ACAN: variants seen among roughly 807,000 people sequenced by gnomAD.
ACAN encodes aggrecan core protein.
In ACAN, 47 loss-of-function variants were observed where a neutral mutation model predicts 169.1. That is an observed-to-expected ratio of 0.28 (90% CI 0.22 to 0.35). The LOEUF is 0.35. Ranked by LOEUF, ACAN falls within the 10% of genes least tolerant of loss-of-function variation. The probability of loss-of-function intolerance (pLI) is 1.00; values close to 1 mark genes in which losing one functional copy is unlikely to be tolerated. For missense variants in ACAN, 2,716 were observed against 2,759.9 expected (o/e 0.98, Z 0.36); for synonymous variants, 1,115 against 1,112.2 (o/e 1.00, Z -0.05).
rs145572953 is a variant in ACAN at position 88,823,414 on chromosome 15, T to G, written c.-7-12786T>G. ...GGTACTAGTTTTGGTTTTTTGGTGG[T>G]TTTTTTTTTTCTTGTTTTTTCTCAC... On this transcript the variant is annotated intron_variant, in intron 1 of 18. Transcript: ENST00000560601. 1.2e-3 allele frequency among the ~76,000 whole-genome samples: 175 copies of G among 146,880 alleles called. 1 individual carries two copies. Among genetic ancestry groups the G allele is most frequent in the African/African-American group, 3.3e-3 (133 of 39,992 alleles).
rs1895898294 is a variant in ACAN, at chr15:88,814,731, T to G, written c.-8+10922T>G. Among the ~76,000 whole-genome samples the G allele has an allele frequency of 6.6e-6, 1 of 152,222 alleles. No individual in the cohort carries two copies. The highest frequency in any genetic ancestry group is 6.5e-5 in the Admixed American group (1 of 15,290). On this transcript the variant is annotated intron_variant, in intron 1 of 18. Transcript: ENST00000560601. The surrounding 1 kb of genome is among the most constrained non-coding windows in gnomAD (Gnocchi z 4.0). ...CTTCTCTGGGACTGCGCTGCAGATG[T>G]TGTACTACAAAGGCTGGATCAACAA...
chr15:88,822,361 T>C (rs540638669), intron 1 of ACAN, among the ~76,000 whole-genome samples: 2 of 152,330 alleles, frequency 1.3e-5, no homozygotes, highest in African/African-American at 4.8e-5. Flanking sequence ...GTGAATGCCC[T>C]GAAATCATAC....
chr15:88,812,642 A>T (rs1197323858), intron 1 of ACAN, among the ~76,000 whole-genome samples: 5 of 151,710 alleles, frequency 3.3e-5, no homozygotes, highest in African/African-American at 9.7e-5. Context: ...CATTCTGGTC[A>T]TGCAAGTTCA....
chr15:88,824,696 T>C (rs1302684224), intron 1 of ACAN, among the ~76,000 whole-genome samples: 1 of 152,080 alleles, frequency 6.6e-6, no homozygotes, highest in Admixed American at 6.5e-5. Context: ...CTGGCCAGCA[T>C]GGTGAAACCC....
Position 88,838,434 on chromosome 15 carries a change from C to A in ACAN, c.71-229C>A, listed in dbSNP as rs1191846985. 6.6e-6 allele frequency among the ~76,000 whole-genome samples: 1 copy of A among 152,160 alleles called. No individual in the cohort carries two copies. Among genetic ancestry groups the A allele is most frequent in the Non-Finnish European group, 1.5e-5 (1 of 68,040 alleles). On this transcript the variant is annotated intron_variant, in intron 2 of 18. Transcript: ENST00000560601. This position sits in a 1 kb window ranked among gnomAD's most constrained non-coding sequence, Gnocchi z 5.1. ...CCTTTTCTAGCTCCATAGTTTCTGT[C>A]TCGAGATGCAGAGGCCAGGGGTCTT...
intron 7 of ACAN, 135 bp from the exon 8 acceptor site, chr15:88,847,108 G>A (rs1896808937): frequency 4.0e-6 from 4 of 1,005,942 alleles, no homozygotes; most frequent in Non-Finnish European, 5.6e-6. Flanking sequence ...GCTACCAAGT[G>A]GGATTTCAGC....
intron 1 of ACAN, among the ~76,000 whole-genome samples, chr15:88,809,559 A>G (rs1339396578): frequency 1.3e-5 from 2 of 152,210 alleles, no homozygotes; most frequent in Non-Finnish European, 2.9e-5. Context: ...GAACCATAGT[A>G]CTATAAATTC....
At position 88,838,536 on chromosome 15, in the gene ACAN, G is replaced by C; in HGVS notation, c.71-127G>C. 8.5e-7 allele frequency: 1 copy of C among 1,182,434 alleles called. No homozygotes were observed. The highest frequency in any genetic ancestry group is 1.2e-6 in the Non-Finnish European group (1 of 839,202). 73.2% of individuals were successfully genotyped at this position (1,182,434 alleles called of 1,614,324 possible). A position where few individuals can be genotyped will look rare whatever the true frequency, so the allele number is the denominator to read the frequency against. On this transcript the variant is annotated intron_variant, in intron 2 of 18. Coordinates refer to ENST00000560601, the MANE Select transcript of ACAN (RefSeq NM_001369268.1). The surrounding 1 kb of genome is among the most constrained non-coding windows in gnomAD (Gnocchi z 5.1). ...ATGACACGGGAGCATCCCCATCATA[G>C]AGACAGACACACTCATCGGATTTCG...
In ACAN at chr15:88,807,425, C is replaced by G. The variant is rs920231319; in HGVS notation, c.-8+3616C>G. ...CCGCCCTGATAACTTAAAGGAAGCCCCTTCAATGGGATGAAGGGCCCGTTT... is the reference window on the plus strand; with the variant it reads ...CCGCCCTGATAACTTAAAGGAAGCCGCTTCAATGGGATGAAGGGCCCGTTT... On this transcript the variant is annotated intron_variant, in intron 1 of 18. Transcript: ENST00000560601. The surrounding 1 kb of genome is among the most constrained non-coding windows in gnomAD (Gnocchi z 4.0). 1.2e-4 allele frequency among the ~76,000 whole-genome samples: 19 copies of G among 152,168 alleles called. No homozygotes were observed. Among genetic ancestry groups the G allele is most frequent in the African/African-American group, 4.6e-4 (19 of 41,426 alleles).
In ACAN at chr15:88,860,878, G is replaced by A. The variant is rs139125599; in HGVS notation, c.6946+439G>A. On this transcript the variant is annotated intron_variant, in intron 13 of 18. Transcript: ENST00000560601. Reference sequence around the variant, plus strand: ...AAGTTGCCTCCATGCTTGGGTCTGCGTGGGGTTTGGGTCCCCTTCTTGCCC... The same window carrying A: ...AAGTTGCCTCCATGCTTGGGTCTGCATGGGGTTTGGGTCCCCTTCTTGCCC... 4.7e-4 allele frequency among the ~76,000 whole-genome samples: 72 copies of A among 152,228 alleles called. 1 individual carries two copies. The East Asian group carries it at 0.011, about 24-fold the overall frequency.
Position 88,871,879 on chromosome 15 carries a change from C to T in ACAN, c.7220-124C>T. 3.4e-6 allele frequency: 3 copies of T among 891,744 alleles called. No individual in the cohort carries two copies. The highest frequency in any genetic ancestry group is 3.7e-6 in the Non-Finnish European group (2 of 543,626). The allele number at this position is 891,744 out of a possible 1,614,324, so 55.2% of individuals were successfully genotyped here. Reference sequence around the variant, plus strand: ...CTTGTGAGGACCTGAGAAGCACGTGCCTTGCTCCTAGGAGCCCACCCACCT... The same window carrying T: ...CTTGTGAGGACCTGAGAAGCACGTGTCTTGCTCCTAGGAGCCCACCCACCT... On this transcript the variant is annotated intron_variant, in intron 15 of 18. Coordinates refer to ENST00000560601, the MANE Select transcript of ACAN (RefSeq NM_001369268.1). The surrounding 1 kb of genome is among the most constrained non-coding windows in gnomAD (Gnocchi z 7.8).
Position 88,873,628 on chromosome 15 carries a change from C to T in ACAN, c.7448-214C>T, listed in dbSNP as rs140630632. The T allele has an allele frequency of 7.9e-5, 46 of 583,862 alleles. No homozygotes were observed. Among genetic ancestry groups the T allele is most frequent in the Non-Finnish European group, 1.3e-4 (43 of 329,788 alleles). 36.2% of individuals were successfully genotyped at this position (583,862 alleles called of 1,614,324 possible). On this transcript the variant is annotated intron_variant, in intron 17 of 18. Transcript: ENST00000560601. The surrounding 1 kb of genome is among the most constrained non-coding windows in gnomAD (Gnocchi z 7.5). ...ATCTTCTCTTCATCCCTTTAAAGACCACCCCGTTTGTATTCCCTTCCTGCT... is the reference window on the plus strand; with the variant it reads ...ATCTTCTCTTCATCCCTTTAAAGACTACCCCGTTTGTATTCCCTTCCTGCT...
At chr15:88,828,733 C>T (rs902363104) in intron 1 of ACAN, among the ~76,000 whole-genome samples, 1 of 152,192 alleles carries the variant, frequency 6.6e-6, no homozygotes, top group African/African-American at 2.4e-5. Context: ...CTCTGCACTG[C>T]GTGGAGCTGG....
chr15:88,837,118 C>T (rs1251270709), intron 2 of ACAN, among the ~76,000 whole-genome samples: 1 of 152,206 alleles, frequency 6.6e-6, no homozygotes, highest in Non-Finnish European at 1.5e-5. Context: ...CCTACGGGGA[C>T]ACCATACCCC....
At position 88,858,653 on chromosome 15, in the gene ACAN, G is replaced by A. The variant is rs1897121065; in HGVS notation, c.6068G>A (p.Gly2023Asp). Reference sequence around the variant, plus strand: ...AGTGGAGAATCCTCTGTAGCCATGGGCACCAGTGGAGAGGCCTCAGGACTT... The same window carrying A: ...AGTGGAGAATCCTCTGTAGCCATGGACACCAGTGGAGAGGCCTCAGGACTT... ...NVSGESSVAM[G>D]TSGEASGLPE... is the part of the protein sequence containing the mutation. The change falls in exon 12 of 19, where the codon GGC becomes GAC. Residue 2023 changes from glycine (G) to aspartate (D), a missense_variant. Transcript: ENST00000560601. This position sits in a 1 kb window ranked among gnomAD's most constrained non-coding sequence, Gnocchi z 4.0. 6.2e-7 allele frequency: 1 copy of A among 1,613,850 alleles called. No homozygotes were observed. Among genetic ancestry groups the A allele is most frequent in the Non-Finnish European group, 8.5e-7 (1 of 1,179,906 alleles).
At chr15:88,844,191 G>A (rs942963246) in intron 6 of ACAN, among the ~76,000 whole-genome samples, 5 of 151,940 alleles carry the variant, frequency 3.3e-5, no homozygotes, top group African/African-American at 1.2e-4. Context: ...CAAGAGTTCA[G>A]TGGTGTAATC....
At chr15:88,850,206 G>T in intron 10 of ACAN, 1 of 248,908 alleles carries the variant, frequency 4.0e-6, no homozygotes, top group Non-Finnish European at 7.7e-6. Context: ...TGTACAACCT[G>T]TAATTTGTAC....
In ACAN at chr15:88,872,203, G is replaced by A. The variant is rs760335666; in HGVS notation, c.7302+118G>A. 2 of 852,108 alleles carry A rather than the reference G, an allele frequency of 2.3e-6. No homozygotes were observed. The highest frequency in any genetic ancestry group is 3.8e-6 in the Non-Finnish European group (2 of 524,966). 52.8% of individuals were successfully genotyped at this position (852,108 alleles called of 1,614,324 possible). A position where few individuals can be genotyped will look rare whatever the true frequency, so the allele number is the denominator to read the frequency against. On this transcript the variant is annotated intron_variant, in intron 16 of 18. Transcript: ENST00000560601. This position sits in a 1 kb window ranked among gnomAD's most constrained non-coding sequence, Gnocchi z 5.4. Reference sequence around the variant, plus strand: ...AGCCGCTTACCAGCTGCTGGACCGGGAACCCTTGAGGGCAGGGATTATCTC... The same window carrying A: ...AGCCGCTTACCAGCTGCTGGACCGGAAACCCTTGAGGGCAGGGATTATCTC...
intron 1 of ACAN, among the ~76,000 whole-genome samples, chr15:88,817,910 TACTATAG>T (rs1895983089): frequency 6.9e-6 from 1 of 144,522 alleles, no homozygotes; most frequent in Non-Finnish European, 1.5e-5. Flanking sequence ...AATAAAAATA[TACTATAG>T]ACTTACCACC....
Sources: gnomAD v4.1 joint callset for allele counts (sites outside exome capture counted in the v4.1 genomes callset) on GRCh38, gnomAD v4.1.1 for gene constraint, Gnocchi (gnomAD v3.1) non-coding constraint, MANE v1.5 for transcripts, NCBI Gene and HGNC (gene_info 2026-07-23, HGNC 2026-07-21) for gene names.